BMERB1: variants seen among roughly 807,000 people sequenced by gnomAD.
BMERB1 encodes bMERB domain-containing protein 1.
BMERB1 carries 12 observed loss-of-function variants against 23.6 expected under a neutral mutation model. The ratio of observed to expected loss-of-function variants is 0.51; its 90% CI spans 0.33 to 0.82. BMERB1 has a LOEUF of 0.82. BMERB1 is among the 40% of genes least tolerant of loss of function. The pLI, the probability that BMERB1 is intolerant of heterozygous loss-of-function variation, is 0.03. For synonymous variants in BMERB1, 122 were observed against 96.6 expected (o/e 1.26, Z -1.54); for missense variants, 247 against 255.4 (o/e 0.97, Z 0.22).
chr16:15,470,076 AAAAT>A (rs1230472694), intron 1 of BMERB1, among the ~76,000 whole-genome samples: 19 of 152,298 alleles, frequency 1.2e-4, no homozygotes, highest in Admixed American at 1.2e-3. Context: ...TAGGGAGAAA[AAAAT>A]CAGGTTCTCA....
chr16:15,472,250 T>TC (rs1185566364), intron 1 of BMERB1, among the ~76,000 whole-genome samples: 1 of 152,220 alleles, frequency 6.6e-6, no homozygotes. Flanking sequence ...GGTGAAGTGT[T>TC]CCCAACTTAA....
At chr16:15,535,670 A>G (rs1215001589) in intron 2 of BMERB1, among the ~76,000 whole-genome samples, 1 of 151,494 alleles carries the variant, frequency 6.6e-6, no homozygotes, top group Non-Finnish European at 1.5e-5. Context: ...AAAAGGAAAG[A>G]AAAGAAAAAA....
At chr16:15,441,030 C>T (rs1156439682) in intron 1 of BMERB1, among the ~76,000 whole-genome samples, 1 of 152,064 alleles carries the variant, frequency 6.6e-6, no homozygotes, top group Non-Finnish European at 1.5e-5. Context: ...GAGGAAGAGA[C>T]AGAAGGCCAG....
At chr16:15,541,676 A>C (rs1380049182) in intron 2 of BMERB1, among the ~76,000 whole-genome samples, 1 of 142,006 alleles carries the variant, frequency 7.0e-6, no homozygotes, top group African/African-American at 2.7e-5. Flanking sequence ...ATCTTGGCTC[A>C]CTGCAAGCTC....
chr16:15,502,394 G>C (rs2051539876), intron 1 of BMERB1: 2 of 1,538,270 alleles, frequency 1.3e-6, no homozygotes, highest in Non-Finnish European at 8.8e-7. Context: ...CGCTCTTGGG[G>C]GCCCAGTGGC....
intron 2 of BMERB1, among the ~76,000 whole-genome samples, chr16:15,542,143 A>T (rs2052091266): frequency 6.7e-6 from 1 of 148,668 alleles, no homozygotes; most frequent in Non-Finnish European, 1.5e-5. Flanking sequence ...GGCTCACTGC[A>T]ACCTCCGCCT....
chr16:15,573,160 G>A (rs1224184179), intron 3 of BMERB1, among the ~76,000 whole-genome samples: 1 of 152,168 alleles, frequency 6.6e-6, no homozygotes, highest in Non-Finnish European at 1.5e-5. Context: ...TGGTAAAAAG[G>A]AAACAGTTTA....
intron 2 of BMERB1, among the ~76,000 whole-genome samples, chr16:15,519,022 A>G (rs919410967): frequency 6.6e-6 from 1 of 151,404 alleles, no homozygotes; most frequent in Non-Finnish European, 1.5e-5. Context: ...ATATTTGTCA[A>G]ATGTGCAATA....
At chr16:15,520,844 G>A (rs2051844300) in intron 2 of BMERB1, among the ~76,000 whole-genome samples, 1 of 152,078 alleles carries the variant, frequency 6.6e-6, no homozygotes, top group Non-Finnish European at 1.5e-5. Context: ...AAAGCTTGAA[G>A]CCCTCATTTG....
intron 1 of BMERB1, among the ~76,000 whole-genome samples, chr16:15,496,684 G>A (rs551229845): frequency 1.1e-3 from 160 of 152,038 alleles, no homozygotes; most frequent in Non-Finnish European, 1.4e-3. Flanking sequence ...GACTACAGGC[G>A]CCCGCCACCA....
Position 15,550,250 on chromosome 16 carries a change from T to C in BMERB1, c.231-17733T>C, listed in dbSNP as rs530620420. ...CCACCGCGCCCGGCCCAAAAGCACT[T>C]TTTAAATGTTGAGGTGGTTTGAAGG... On this transcript the variant is annotated intron_variant, in intron 2 of 5. Transcript: ENST00000300006. Among the ~76,000 whole-genome samples, 8 of 151,668 alleles carry C rather than the reference T, an allele frequency of 5.3e-5. No individual in the cohort carries two copies. The South Asian group carries it at 1.3e-3, about 24-fold the overall frequency.
chr16:15,470,682 C>T (rs1256235110), intron 1 of BMERB1, among the ~76,000 whole-genome samples: 3 of 151,698 alleles, frequency 2.0e-5, no homozygotes, highest in Non-Finnish European at 2.9e-5. Flanking sequence ...CATGCCACCA[C>T]GCCTGGCTAA....
At chr16:15,482,021 G>A (rs149575430) in intron 1 of BMERB1, among the ~76,000 whole-genome samples, 50 of 152,070 alleles carry the variant, frequency 3.3e-4, no homozygotes, top group African/African-American at 1.1e-3. Context: ...ATGAGCCACC[G>A]CGCCTGGCCT....
At chr16:15,580,088 C>G (rs1041489235) in intron 3 of BMERB1, among the ~76,000 whole-genome samples, 6 of 150,786 alleles carry the variant, frequency 4.0e-5, no homozygotes, top group African/African-American at 1.5e-4. Context: ...CTCACCCTGC[C>G]CTCTCAATTT....
intron 2 of BMERB1, among the ~76,000 whole-genome samples, 179 bp from the exon 3 acceptor site, chr16:15,567,804 G>T (rs573793856): frequency 6.6e-6 from 1 of 152,200 alleles, no homozygotes; most frequent in Admixed American, 6.6e-5. Context: ...TTTCTAGGTG[G>T]TGGGATAATT....
At chr16:15,583,368 A>G (rs532049114) in intron 5 of BMERB1, 130 bp downstream of exon 5, 29 of 726,236 alleles carry the variant, frequency 4.0e-5, no homozygotes, top group Middle Eastern at 4.9e-4. Context: ...ACCTGAGGTC[A>G]GGAGTTCGAG....
intron 1 of BMERB1, among the ~76,000 whole-genome samples, chr16:15,450,022 G>C (rs1469563234): frequency 3.3e-5 from 5 of 151,884 alleles, no homozygotes; most frequent in Non-Finnish European, 7.4e-5. Flanking sequence ...AAAGTGCTGG[G>C]ATTACAGGTG....
intron 1 of BMERB1, among the ~76,000 whole-genome samples, chr16:15,438,930 A>G (rs1473592486): frequency 6.6e-6 from 1 of 152,226 alleles, no homozygotes; most frequent in Non-Finnish European, 1.5e-5. Context: ...ACAATTGCCA[A>G]GCCAATGTTG....
chr16:15,558,561 G>A (rs1211254048), intron 2 of BMERB1, among the ~76,000 whole-genome samples: 3 of 152,038 alleles, frequency 2.0e-5, no homozygotes, highest in Admixed American at 6.5e-5. Flanking sequence ...ATCTCAACGG[G>A]TTCGAACTGG....
Sources: allele counts gnomAD v4.1 joint callset (sites outside exome capture counted in the v4.1 genomes callset), GRCh38; gene constraint gnomAD v4.1.1; transcripts MANE v1.5; gene names NCBI Gene and HGNC (gene_info 2026-07-23, HGNC 2026-07-21).